CPEB1: variants seen among roughly 807,000 people sequenced by gnomAD.
CPEB1 encodes cytoplasmic polyadenylation element-binding protein 1.
CPEB1 carries 7 observed loss-of-function variants against 65.8 expected under a neutral mutation model. The observed-to-expected ratio is 0.11, with a 90% CI of 0.06 to 0.20. The LOEUF is 0.20. CPEB1 is among the 10% of genes least tolerant of loss of function. The pLI is 1.00. For synonymous variants in CPEB1, 262 were observed against 260.0 expected (o/e 1.01, Z -0.08); for missense variants, 551 against 712.2 (o/e 0.77, Z 2.58).
intron 4 of CPEB1, among the ~76,000 whole-genome samples, chr15:82,570,908 A>G (rs2039930465): frequency 6.6e-6 from 1 of 152,182 alleles, no homozygotes; most frequent in African/African-American, 2.4e-5. Flanking sequence ...CACTCTTCAT[A>G]TAACTCCCTG....
chr15:82,584,394 C>G (rs783538), intron 3 of CPEB1, among the ~76,000 whole-genome samples: 40,606 of 150,184 alleles, frequency 0.27, 5,871 homozygotes, highest in South Asian at 0.43. Context: ...TCCCATAATG[C>G]AGGCTGGGTG....
chr15:82,619,169 T>G (rs2045055677), intron 3 of CPEB1, among the ~76,000 whole-genome samples: 1 of 152,216 alleles, frequency 6.6e-6, no homozygotes. Flanking sequence ...ATGCCTGATT[T>G]ATGAGAAAGG....
intron 3 of CPEB1, among the ~76,000 whole-genome samples, chr15:82,604,603 C>T (rs1456033112): frequency 6.6e-6 from 1 of 151,394 alleles, no homozygotes; most frequent in Admixed American, 6.6e-5. Context: ...TAAAAAAGAA[C>T]CAATTAGAAA....
At chr15:82,586,345 C>T (rs2041799921) in intron 3 of CPEB1, among the ~76,000 whole-genome samples, 1 of 151,614 alleles carries the variant, frequency 6.6e-6, no homozygotes, top group South Asian at 2.1e-4. Context: ...ATCAATAAGC[C>T]AGTACTTATT....
rs72751644 is a variant in CPEB1 at position 82,565,248 on chromosome 15, G to A, written c.460+6096C>T. 9.1e-3 allele frequency among the ~76,000 whole-genome samples: 1,379 copies of A among 152,268 alleles called. 13 individuals carry two copies. The highest frequency in any genetic ancestry group is 8.5e-3 in the Non-Finnish European group (578 of 68,020). Reference sequence around the variant, plus strand: ...ATAGGGTCTGGCCAGGCAGTTCTCTGAGTGTCTACAGATCAAAGGAAGGAA... The same window carrying A: ...ATAGGGTCTGGCCAGGCAGTTCTCTAAGTGTCTACAGATCAAAGGAAGGAA... On this transcript the variant is annotated intron_variant, in intron 4 of 12. Coordinates refer to ENST00000684509, the MANE Select transcript of CPEB1 (RefSeq NM_001365242.1).
At position 82,590,323 on chromosome 15, in the gene CPEB1, C is replaced by T. The variant is rs1205917719; in HGVS notation, c.272-18791G>A. 2.0e-5 allele frequency among the ~76,000 whole-genome samples: 3 copies of T among 149,534 alleles called. No individual in the cohort carries two copies. In the East Asian group the frequency reaches 5.9e-4, roughly 30 times the overall value. ...CTGTTACCCATTACACATATTTTTTCCTCCTTGGTCACATATTTAAATTAT... is the reference window on the plus strand; with the variant it reads ...CTGTTACCCATTACACATATTTTTTTCTCCTTGGTCACATATTTAAATTAT... On this transcript the variant is annotated intron_variant, in intron 3 of 12. Coordinates refer to ENST00000684509, the MANE Select transcript of CPEB1 (RefSeq NM_001365242.1).
At chr15:82,629,399 A>G in intron 1 of CPEB1, 1 of 985,234 alleles carries the variant, frequency 1.0e-6, no homozygotes. Flanking sequence ...CAACTTTATT[A>G]ACTGGCATGA....
At chr15:82,625,288 CA>C (rs1199268027) in intron 3 of CPEB1, among the ~76,000 whole-genome samples, 1 of 152,044 alleles carries the variant, frequency 6.6e-6, no homozygotes, top group Admixed American at 6.6e-5. Flanking sequence ...TCAGAAGAGA[CA>C]AAAACCACCC....
chr15:82,605,778 C>T (rs2043528280), intron 3 of CPEB1, among the ~76,000 whole-genome samples: 1 of 152,178 alleles, frequency 6.6e-6, no homozygotes, highest in African/African-American at 2.4e-5. Flanking sequence ...GTGGCTCATG[C>T]CTGTAATCCT....
At chr15:82,566,097 C>T (rs1000060566) in intron 4 of CPEB1, among the ~76,000 whole-genome samples, 3 of 152,196 alleles carry the variant, frequency 2.0e-5, no homozygotes, top group African/African-American at 7.2e-5. Flanking sequence ...AGCTGAGTCA[C>T]TGTTCAAATT....
intron 1 of CPEB1, among the ~76,000 whole-genome samples, chr15:82,644,503 T>C (rs929181784): frequency 2.0e-5 from 3 of 152,208 alleles, no homozygotes; most frequent in Non-Finnish European, 4.4e-5. Context: ...TCAGGTTGAA[T>C]CCAACATTAA....
intron 3 of CPEB1, among the ~76,000 whole-genome samples, chr15:82,611,810 GA>G (rs568807524): frequency 1.4e-5 from 2 of 146,468 alleles, no homozygotes; most frequent in South Asian, 4.4e-4. Flanking sequence ...AAAACAATAG[GA>G]AAAAAAATAA....
chr15:82,648,114 C>G (rs587669363), upstream of CPEB1: 105 of 363,568 alleles, frequency 2.9e-4, no homozygotes, highest in African/African-American at 1.6e-3. Context: ...CAGGCCGAGC[C>G]GAGGAGGGCT....
intron 6 of CPEB1, among the ~76,000 whole-genome samples, chr15:82,555,599 G>A (rs2037058046): frequency 6.6e-6 from 1 of 152,194 alleles, no homozygotes; most frequent in Non-Finnish European, 1.5e-5. Flanking sequence ...CCACGGAACG[G>A]CACAAGTGAG....
Position 82,556,074 on chromosome 15 carries a change from C to G in CPEB1, c.736G>C (p.Gly246Arg). Residue 246 changes from glycine to arginine, a missense_variant, in exon 6 of 13, where the codon GGT (glycine) becomes CGT (arginine). Physicochemically the swap from Gly to Arg is moderately radical, Grantham distance 125. Around this residue, in one of 6 missense-constraint regions of CPEB1, gnomAD observed 128 missense variants for 129.1 expected, o/e 0.99. Coordinates refer to ENST00000684509, the MANE Select transcript of CPEB1 (RefSeq NM_001365242.1). ...PPLPFLSLSG[G>R]GPRDPLKMGV... is the part of the protein sequence containing the mutation. ...ATCTTTAAAGGGTCTCTGGGACCAC[C>G]CCCTGACAGAGACAGGAAGGGCAGA... is the stretch of plus-strand genomic sequence containing the variant. 6.2e-7 allele frequency: 1 copy of G among 1,610,244 alleles called. No individual in the cohort carries two copies. Among genetic ancestry groups the G allele is most frequent in the South Asian group, 1.1e-5 (1 of 90,006 alleles).
At chr15:82,614,745 A>C (rs866137472) in intron 3 of CPEB1, among the ~76,000 whole-genome samples, 2 of 152,160 alleles carry the variant, frequency 1.3e-5, no homozygotes, top group Middle Eastern at 3.4e-3. Context: ...AAAGAAAGAA[A>C]GAAACGAAAC....
intron 6 of CPEB1, 56 bp from the exon 7 acceptor site, chr15:82,554,047 A>C: frequency 9.2e-7 from 1 of 1,083,976 alleles, no homozygotes; most frequent in African/African-American, 1.6e-5. Context: ...ACAAAGCCAC[A>C]CTCTTCCCTG....
Position 82,627,324 on chromosome 15 carries a change from T to C in CPEB1, c.140A>G (p.Glu47Gly). The C allele has an allele frequency of 6.2e-7, 1 of 1,613,278 alleles. No homozygotes were observed. The highest frequency in any genetic ancestry group is 1.1e-5 in the South Asian group (1 of 90,892). The change falls in exon 3 of 13, where the codon GAA (glutamate) becomes GGA (glycine). Residue 47 changes from glutamate to glycine, a missense_variant. By Grantham distance (98) the Glu-to-Gly change is moderately conservative. This residue lies in a region of CPEB1 where 223 missense variants were observed against 228.6 expected (regional missense o/e 0.98). Coordinates refer to ENST00000684509, the MANE Select transcript of CPEB1 (RefSeq NM_001365242.1). ...GRIKDCWDNQ[E>G]APALSTCSNA... ...ACTACACGTGGAGAGAGCAGGTGCT[T>C]CCTGGTTGTCCCAGCAATCTTTTAT... is the stretch of plus-strand genomic sequence containing the variant.
intron 3 of CPEB1, among the ~76,000 whole-genome samples, chr15:82,605,438 G>C (rs942840993): frequency 3.9e-5 from 6 of 152,010 alleles, no homozygotes; most frequent in African/African-American, 1.4e-4. Context: ...GTTTTGACCA[G>C]GATAAAAAAG....
Sources: gnomAD v4.1 joint callset for allele counts (sites outside exome capture counted in the v4.1 genomes callset) on GRCh38, gnomAD v4.1.1 for gene constraint, gnomAD v4.1.1 regional missense constraint, MANE v1.5 for transcripts, NCBI Gene and HGNC (gene_info 2026-07-23, HGNC 2026-07-21) for gene names.